PTK2B: variants seen among roughly 807,000 people sequenced by gnomAD.
PTK2B encodes protein-tyrosine kinase 2-beta.
Under a neutral mutation model 142.9 loss-of-function variants are expected in PTK2B, and 71 were observed. The observed-to-expected ratio is 0.50, with a 90% CI of 0.41 to 0.61. The LOEUF (loss-of-function observed/expected upper bound fraction) is 0.61. Ranked by LOEUF, PTK2B falls within the 20% of genes least tolerant of loss-of-function variation. PTK2B has a pLI of 0.00. For synonymous variants in PTK2B, 519 were observed against 503.4 expected, an observed-to-expected ratio of 1.03 and a Z score of -0.42; for missense variants, 1,105 against 1,320.4, an observed-to-expected ratio of 0.84 and a Z score of 2.53.
chr8:27,310,902 A>C (rs1419287196), upstream of PTK2B: 1 of 1,612,894 alleles, frequency 6.2e-7, no homozygotes, highest in Admixed American at 1.7e-5. Context: ...TCCTCGAGGC[A>C]GAAGAGGCTG....
intron 1 of PTK2B, among the ~76,000 whole-genome samples, chr8:27,375,176 G>A (rs1028183356): frequency 6.6e-6 from 1 of 152,204 alleles, no homozygotes; most frequent in Non-Finnish European, 1.5e-5. Flanking sequence ...GCTCAGGAGT[G>A]CCAAGGCTGC....
At chr8:27,436,154 T>A in intron 14 of PTK2B, 97 bp from the exon 15 acceptor site, 1 of 1,158,194 alleles carries the variant, frequency 8.6e-7, no homozygotes, top group Non-Finnish European at 1.3e-6. Flanking sequence ...GTGTTATAGA[T>A]CTGGTGACGC....
At chr8:27,369,144 C>G (rs1769769784) in intron 1 of PTK2B, among the ~76,000 whole-genome samples, 1 of 152,176 alleles carries the variant, frequency 6.6e-6, no homozygotes, top group Non-Finnish European at 1.5e-5. Context: ...TATGCCCTCC[C>G]TCTTCCCCAT....
chr8:27,417,296 A>G (rs973666260), intron 2 of PTK2B, among the ~76,000 whole-genome samples: 16 of 152,264 alleles, frequency 1.1e-4, no homozygotes, highest in Admixed American at 1.0e-3. Context: ...AACATGATGG[A>G]TCTCAGACAT....
At chr8:27,310,664 G>C, upstream of PTK2B, 8 of 996,530 alleles carry the variant, frequency 8.0e-6, no homozygotes, top group Non-Finnish European at 1.2e-5. Flanking sequence ...CTGGGTCGGA[G>C]AGGTGGGGTC....
intron 5 of PTK2B, among the ~76,000 whole-genome samples, chr8:27,425,361 C>T (rs552904587): frequency 1.4e-4 from 21 of 152,104 alleles, no homozygotes; most frequent in South Asian, 4.1e-4. Flanking sequence ...CTTAGAGCAA[C>T]GACAGGGACC....
chr8:27,311,385 G>A (rs34274195), upstream of PTK2B: 448,351 of 1,050,892 alleles, frequency 0.43, 103,737 homozygotes, highest in South Asian at 0.47. Flanking sequence ...ATCGTGCGGG[G>A]GGGATGGCGA....
intron 1 of PTK2B, among the ~76,000 whole-genome samples, chr8:27,335,267 C>T (rs1014409245): frequency 2.0e-5 from 3 of 152,132 alleles, no homozygotes; most frequent in Non-Finnish European, 4.4e-5. Flanking sequence ...CCTCTGAGCC[C>T]TCTCCCTGTC....
chr8:27,360,153 T>C (rs1388600878), intron 1 of PTK2B, among the ~76,000 whole-genome samples: 1 of 152,230 alleles, frequency 6.6e-6, no homozygotes, highest in Non-Finnish European at 1.5e-5. Context: ...TGAAAAATCA[T>C]ACATCCCCAT....
In PTK2B at chr8:27,440,401, A is replaced by G. The variant is rs753519229; in HGVS notation, c.1999A>G (p.Ser667Gly). ...GACCCGCTGCTGGGACTACGACCCC[A>G]GTGACCGGCCCCGCTTCACCGAGCT... ...LMTRCWDYDPSDRPRFTELVC... is the reference protein window; with the variant it reads ...LMTRCWDYDPGDRPRFTELVC... Residue 667 changes from serine to glycine, a missense_variant, in exon 21 of 31, where the codon AGT (serine) becomes GGT (glycine). Transcript: ENST00000346049. 1 of 1,614,110 alleles carries G rather than the reference A, an allele frequency of 6.2e-7. No individual in the cohort carries two copies. The highest frequency in any genetic ancestry group is 1.1e-5 in the South Asian group (1 of 91,086).
chr8:27,331,287 G>A lies in PTK2B; in HGVS notation c.-38+5606G>A, dbSNP rs117207486. Among the ~76,000 whole-genome samples, 79 of 152,266 alleles carry A rather than the reference G, an allele frequency of 5.2e-4. No individual in the cohort carries two copies. In the East Asian group the frequency reaches 0.014, roughly 28 times the overall value. ...TTCTGTGAGAACCTGCCCCCCACAAGCCATAGCAGTCCCACTGGTTCATAT... is the reference window on the plus strand; with the variant it reads ...TTCTGTGAGAACCTGCCCCCCACAAACCATAGCAGTCCCACTGGTTCATAT... On this transcript the variant is annotated intron_variant, in intron 1 of 30. Coordinates refer to ENST00000346049, the MANE Select transcript of PTK2B (RefSeq NM_173176.3).
chr8:27,360,842 TCTC>T (rs1302100059), intron 1 of PTK2B, among the ~76,000 whole-genome samples: 1 of 152,174 alleles, frequency 6.6e-6, no homozygotes, highest in Non-Finnish European at 1.5e-5. Context: ...GGGGATTTCT[TCTC>T]CTTCCAGATG....
chr8:27,378,452 C>T (rs1806800884), intron 1 of PTK2B, among the ~76,000 whole-genome samples: 1 of 152,218 alleles, frequency 6.6e-6, no homozygotes, highest in South Asian at 2.1e-4. Context: ...AAGAACGTCC[C>T]TCTCACCTAA....
chr8:27,382,237 C>A (rs1807071699), intron 1 of PTK2B, among the ~76,000 whole-genome samples: 1 of 152,132 alleles, frequency 6.6e-6, no homozygotes. Flanking sequence ...TGTGAGCCAC[C>A]ACACCTGGTT....
At chr8:27,311,026 G>A (rs1273547264), upstream of PTK2B, 12 of 1,606,958 alleles carry the variant, frequency 7.5e-6, no homozygotes, top group Non-Finnish European at 1.0e-5. Flanking sequence ...TGTGGTTGGT[G>A]CGCAGGTCGG....
upstream of PTK2B, among the ~76,000 whole-genome samples, chr8:27,321,729 A>G (rs1486346685): frequency 2.0e-5 from 3 of 152,200 alleles, no homozygotes; most frequent in Non-Finnish European, 2.9e-5. Context: ...TCACACATGC[A>G]AGGGAGACTG....
chr8:27,407,467 T>A (rs566513961), intron 2 of PTK2B, among the ~76,000 whole-genome samples: 2 of 152,336 alleles, frequency 1.3e-5, no homozygotes, highest in East Asian at 3.9e-4. Flanking sequence ...GATCATCCTA[T>A]GAGGCTCCTT....
intron 1 of PTK2B, among the ~76,000 whole-genome samples, chr8:27,351,205 A>G (rs560688697): frequency 6.7e-6 from 1 of 149,832 alleles, no homozygotes; most frequent in South Asian, 2.1e-4. Flanking sequence ...CCCTGTCTCT[A>G]AAAATGAAAT....
At chr8:27,453,592 T>C (rs909229626) in intron 28 of PTK2B, among the ~76,000 whole-genome samples, 2 of 152,174 alleles carry the variant, frequency 1.3e-5, no homozygotes, top group African/African-American at 2.4e-5. Context: ...TGAAACTCTC[T>C]GCATAGGCCA....
Sources: allele counts gnomAD v4.1 joint callset (sites outside exome capture counted in the v4.1 genomes callset), GRCh38; gene constraint gnomAD v4.1.1; transcripts MANE v1.5; gene names NCBI Gene and HGNC (gene_info 2026-07-23, HGNC 2026-07-21).